The following PRDM16 variants were observed in gnomAD, a reference collection of about 807,000 sequenced individuals.
PRDM16 encodes the protein histone-lysine N-methyltransferase PRDM16.
Under a neutral mutation model 110.6 loss-of-function variants are expected in PRDM16, and 23 were observed. The ratio of observed to expected loss-of-function variants is 0.21; its 90% confidence interval spans 0.15 to 0.29. The LOEUF is 0.29. PRDM16 is among the 10% of genes least tolerant of loss of function. PRDM16 has a pLI of 1.00. For synonymous variants in PRDM16, 799 were observed against 781.8 expected (o/e 1.02, Z -0.37); for missense variants, 1,615 against 1,794.3 (o/e 0.90, Z 1.81).
chr1:3,129,941 A>G (rs1643299745), intron 1 of PRDM16, among the ~76,000 whole-genome samples: 1 of 152,024 alleles, frequency 6.6e-6, no homozygotes, highest in Non-Finnish European at 1.5e-5. Context: ...GGTCTCAGCC[A>G]TTTGTATCCA....
At position 3,411,895 on chromosome 1, in the gene PRDM16, C is replaced by T; in HGVS notation, c.1698C>T (p.Ser566=). ...LPLVSAVSNS[S]QGTTAAAGPE... Reference sequence around the variant, plus strand: ...TGGTCTCCGCCGTCAGCAACAGCAGCCAGGGCACGACGGCAGCTGCGGGGC... The same window carrying T: ...TGGTCTCCGCCGTCAGCAACAGCAGTCAGGGCACGACGGCAGCTGCGGGGC... Residue 566 remains serine, a synonymous_variant, in exon 9 of 17, where the codon AGC becomes AGT. Coordinates refer to ENST00000270722, the MANE Select transcript of PRDM16 (RefSeq NM_022114.4). 1.2e-6 allele frequency: 2 copies of T among 1,613,492 alleles called. No individual in the cohort carries two copies. Among genetic ancestry groups the T allele is most frequent in the Non-Finnish European group, 1.7e-6 (2 of 1,179,692 alleles).
At chr1:3,256,634 G>A (rs1489871078) in intron 3 of PRDM16, among the ~76,000 whole-genome samples, 3 of 152,124 alleles carry the variant, frequency 2.0e-5, no homozygotes, top group African/African-American at 7.2e-5. Context: ...CGAGGCAGGC[G>A]GATCATGAGG....
chr1:3,194,660 C>T (rs1298994130), intron 2 of PRDM16, among the ~76,000 whole-genome samples: 21 of 135,820 alleles, frequency 1.5e-4, no homozygotes, highest in African/African-American at 2.6e-4. Context: ...CACCGTCTCC[C>T]CGCCACATGC....
rs1468480333 is a variant in PRDM16, at chr1:3,430,920, C to A, written c.3333C>A (p.Ala1111=). ...VDGSAQCPGL[A]SEKQEDVEEE... ...GCAGTGCCCAGTGTCCAGGCCTAGC[C>A]AGTGAGAAGCAGGAGGACGTGGAGG... The change falls in exon 15 of 17, where the codon GCC becomes GCA. Residue 1111 remains alanine (A), a synonymous_variant. Coordinates refer to ENST00000270722, the MANE Select transcript of PRDM16 (RefSeq NM_022114.4). 6.2e-7 allele frequency: 1 copy of A among 1,614,118 alleles called. No homozygotes were observed. Among genetic ancestry groups the A allele is most frequent in the Middle Eastern group, 1.6e-4 (1 of 6,062 alleles).
At position 3,350,043 on chromosome 1, in the gene PRDM16, C is replaced by T. The variant is rs1557625943; in HGVS notation, c.439-35109C>T. 6.6e-6 allele frequency among the ~76,000 whole-genome samples: 1 copy of T among 152,200 alleles called. No homozygotes were observed. The highest frequency in any genetic ancestry group is 2.4e-5 in the African/African-American group (1 of 41,456). Reference sequence around the variant, plus strand: ...TCTTTGAGGGGGGAAGAGGACAGGGCAGAAAAGACCTGGGGCCAGGTGCAG... The same window carrying T: ...TCTTTGAGGGGGGAAGAGGACAGGGTAGAAAAGACCTGGGGCCAGGTGCAG... On this transcript the variant is annotated intron_variant, in intron 3 of 16. Transcript: ENST00000270722. This position sits in a 1 kb window ranked among gnomAD's most constrained non-coding sequence, Gnocchi z 7.1.
chr1:3,086,749 G>A (rs927278733), intron 1 of PRDM16, among the ~76,000 whole-genome samples: 8 of 152,190 alleles, frequency 5.3e-5, no homozygotes, highest in African/African-American at 1.4e-4. Context: ...GGTTCTTGGC[G>A]TCGTCTGCCG....
Position 3,412,171 on chromosome 1 carries a change from C to T in PRDM16, c.1974C>T (p.Ala658=). ...KFGGGLAPPG[A]PNSVAEVPVF... is the part of the protein sequence containing the mutation. Reference sequence around the variant, plus strand: ...GGGGCGGCTTGGCGCCCCCGGGGGCCCCGAACAGCGTGGCCGAGGTGCCTG... The same window carrying T: ...GGGGCGGCTTGGCGCCCCCGGGGGCTCCGAACAGCGTGGCCGAGGTGCCTG... Residue 658 remains alanine, a synonymous_variant, in exon 9 of 17, where the codon GCC becomes GCT. Coordinates refer to ENST00000270722, the MANE Select transcript of PRDM16 (RefSeq NM_022114.4). 6.3e-7 allele frequency: 1 copy of T among 1,582,710 alleles called. No homozygotes were observed. The highest frequency in any genetic ancestry group is 8.6e-7 in the Non-Finnish European group (1 of 1,161,434).
chr1:3,244,834 AC>A lies in PRDM16; in HGVS notation c.438+699del, dbSNP rs1031037368. Among the ~76,000 whole-genome samples the A allele has an allele frequency of 1.3e-5, 2 of 152,090 alleles. No homozygotes were observed. Among genetic ancestry groups the A allele is most frequent in the Non-Finnish European group, 2.9e-5 (2 of 68,008 alleles). On this transcript the variant is annotated intron_variant, in intron 3 of 16. Transcript: ENST00000270722. The surrounding 1 kb of genome is among the most constrained non-coding windows in gnomAD (Gnocchi z 4.1). ...CTGGAAAGCAGCTCCGAAACCTAGAACCTGTTCAGCAGCCAGAACTCCTCTT... is the reference window on the plus strand; with the variant it reads ...CTGGAAAGCAGCTCCGAAACCTAGAACTGTTCAGCAGCCAGAACTCCTCTT...
At chr1:3,285,671 C>T (rs77346708) in intron 3 of PRDM16, among the ~76,000 whole-genome samples, 2 of 152,224 alleles carry the variant, frequency 1.3e-5, no homozygotes, top group Non-Finnish European at 1.5e-5. Flanking sequence ...TCTCTGGTCC[C>T]TGGACGGCCA....
At chr1:3,364,497 T>G (rs1481592263) in intron 3 of PRDM16, among the ~76,000 whole-genome samples, 1 of 152,176 alleles carries the variant, frequency 6.6e-6, no homozygotes, top group East Asian at 1.9e-4. Flanking sequence ...GGATGGCTCC[T>G]CTTCCATTCC....
At chr1:3,236,757 C>T (rs1020388105) in intron 2 of PRDM16, among the ~76,000 whole-genome samples, 7 of 152,352 alleles carry the variant, frequency 4.6e-5, no homozygotes, top group African/African-American at 1.2e-4. Context: ...CTGTCAAATT[C>T]GGGAGGCTAC....
chr1:3,298,165 T>C (rs1641130488), intron 3 of PRDM16, among the ~76,000 whole-genome samples: 1 of 152,260 alleles, frequency 6.6e-6, no homozygotes, highest in South Asian at 2.1e-4. Context: ...GACAGCATCT[T>C]CCACTCCTTA....
chr1:3,220,578 T>C (rs969702281), intron 2 of PRDM16, among the ~76,000 whole-genome samples: 4 of 152,186 alleles, frequency 2.6e-5, no homozygotes, highest in Non-Finnish European at 5.9e-5. Flanking sequence ...GCTGTGGTTC[T>C]CCTTGGCCTG....
At chr1:3,408,889 TGA>T (rs745962998) in intron 8 of PRDM16, among the ~76,000 whole-genome samples, 3 of 145,474 alleles carry the variant, frequency 2.1e-5, no homozygotes, top group African/African-American at 5.2e-5. Flanking sequence ...CGTGTGTGTG[TGA>T]GAGCGCATGA....
chr1:3,266,966 C>T (rs1057264698), intron 3 of PRDM16, among the ~76,000 whole-genome samples: 1 of 152,226 alleles, frequency 6.6e-6, no homozygotes, highest in Non-Finnish European at 1.5e-5. Context: ...GTGTGAGCCA[C>T]CGCGCCCGGC....
In PRDM16 at chr1:3,432,058, C is replaced by G. The variant is rs1306089023; in HGVS notation, c.3614C>G (p.Ala1205Gly). 5 of 1,613,946 alleles carry G rather than the reference C, an allele frequency of 3.1e-6. No homozygotes were observed. Among genetic ancestry groups the G allele is most frequent in the Admixed American group, 1.7e-5 (1 of 60,008 alleles). Residue 1205 changes from alanine to glycine, a missense_variant, in exon 16 of 17, where the codon GCA becomes GGA. By Grantham distance (60) the Ala-to-Gly change is moderately conservative. Around this residue, in one of 5 missense-constraint regions of PRDM16, gnomAD observed 327 missense variants for 359.3 expected, o/e 0.91. Transcript: ENST00000270722. ...GACCTCCGCAGAGCAGCTGAGGAAG[C>G]ATTTGAAGTTAAAGATGTGCTTAAT... Reference protein sequence around the residue: ...GLDLRRAAEEAFEVKDVLNST... With the variant: ...GLDLRRAAEEGFEVKDVLNST...
intron 10 of PRDM16, among the ~76,000 whole-genome samples, chr1:3,415,014 G>A (rs1273311103): frequency 6.6e-6 from 1 of 152,208 alleles, no homozygotes; most frequent in African/African-American, 2.4e-5. Context: ...CAGCGTGGGC[G>A]CTCTCTCTGG....
At chr1:3,072,085 G>C (rs1641777967) in intron 1 of PRDM16, among the ~76,000 whole-genome samples, 1 of 152,142 alleles carries the variant, frequency 6.6e-6, no homozygotes, top group Non-Finnish European at 1.5e-5. Context: ...TCCTCCACCT[G>C]AGCCTGGGGG....
At chr1:3,383,442 G>A (rs961806241) in intron 3 of PRDM16, among the ~76,000 whole-genome samples, 5 of 152,152 alleles carry the variant, frequency 3.3e-5, no homozygotes, top group East Asian at 3.9e-4. Flanking sequence ...AAAGAGACTC[G>A]AGGCCCTCTG....
Sources: gnomAD v4.1 joint callset for allele counts (sites outside exome capture counted in the v4.1 genomes callset) on GRCh38, gnomAD v4.1.1 for gene constraint, gnomAD v4.1.1 regional missense constraint, Gnocchi (gnomAD v3.1) non-coding constraint, MANE v1.5 for transcripts, NCBI Gene and HGNC (gene_info 2026-07-23, HGNC 2026-07-21) for gene names.